The following GBE1 variants were observed in gnomAD, a reference collection of about 807,000 sequenced individuals.
GBE1 encodes 1,4-alpha-glucan branching enzyme 1.
In GBE1, 70 loss-of-function variants were observed where a neutral mutation model predicts 88.8. The observed-to-expected ratio is 0.79, with a 90% CI of 0.65 to 0.96. The LOEUF (loss-of-function observed/expected upper bound fraction) is 0.96, where lower values mean the gene tolerates loss of function less well. GBE1 is among the 40% of genes least tolerant of loss of function. The pLI, the probability that GBE1 is intolerant of heterozygous loss-of-function variation, is 0.00. For missense variants in GBE1, 872 were observed against 871.0 expected (o/e 1.00, Z -0.01); for synonymous variants, 284 against 300.1 (o/e 0.95, Z 0.56).
chr3:81,705,500 A>G lies in GBE1; in HGVS notation c.257T>C (p.Leu86Ser). The G allele has an allele frequency of 6.2e-7, 1 of 1,604,174 alleles. No individual in the cohort carries two copies. Among genetic ancestry groups the G allele is most frequent in the Non-Finnish European group, 8.5e-7 (1 of 1,175,254 alleles). The part of the protein sequence containing the change: ...FGVHRCADGG[L>S]YCKEWAPGAE... ...TCCCGGGGCCCATTCTTTGCAGTAT[A>G]AACCACCATCAGCACATCTGTGGAC... Residue 86 changes from leucine to serine, a missense_variant, in exon 2 of 16, where the codon TTA becomes TCA. Transcript: ENST00000429644.
Position 81,560,704 on chromosome 3 carries a change from T to A in GBE1, c.1618+17221A>T, listed in dbSNP as rs190572857. ...CTCAGGCACCTATCACATTTGGCTT[T>A]ATTAAATTTAACTTGGAAGAGTCTA... On this transcript the variant is annotated intron_variant, in intron 12 of 15. Coordinates refer to ENST00000429644, the MANE Select transcript of GBE1 (RefSeq NM_000158.4). Among the ~76,000 whole-genome samples the A allele has an allele frequency of 2.0e-4, 30 of 152,088 alleles. No homozygotes were observed. The East Asian group carries it at 5.8e-3, about 29-fold the overall frequency.
chr3:81,544,586 C>A (rs1431266898), intron 12 of GBE1, among the ~76,000 whole-genome samples: 1 of 152,098 alleles, frequency 6.6e-6, no homozygotes, highest in African/African-American at 2.4e-5. Flanking sequence ...AACCTTAAAA[C>A]AAAATCACGG....
Position 81,742,845 on chromosome 3 carries a change from G to A in GBE1, c.143+18530C>T, listed in dbSNP as rs541157668. 5.9e-5 allele frequency among the ~76,000 whole-genome samples: 9 copies of A among 152,240 alleles called. No homozygotes were observed. The South Asian group carries it at 8.3e-4, about 14-fold the overall frequency. ...CTTCTTCATGAGTAGTATTAGACAC[G>A]AGAAAGGTTAAGCGGTATGTGAGAG... On this transcript the variant is annotated intron_variant, in intron 1 of 15. Transcript: ENST00000429644.
At chr3:81,678,663 T>C (rs1705295451) in intron 2 of GBE1, among the ~76,000 whole-genome samples, 1 of 152,150 alleles carries the variant, frequency 6.6e-6, no homozygotes, top group Admixed American at 6.5e-5. Context: ...GAAATTATTC[T>C]GAATATGAGA....
intron 9 of GBE1, among the ~76,000 whole-genome samples, chr3:81,589,990 T>G (rs183139225): frequency 6.6e-6 from 1 of 152,132 alleles, no homozygotes; most frequent in East Asian, 1.9e-4. Context: ...TGGTAGGTTG[T>G]TTGTTTTTTA....
At chr3:81,600,620 C>A (rs911141353) in intron 7 of GBE1, among the ~76,000 whole-genome samples, 2 of 152,148 alleles carry the variant, frequency 1.3e-5, no homozygotes, top group African/African-American at 4.8e-5. Context: ...ATTTTACAGA[C>A]TACTGACTTT....
At chr3:81,504,869 T>A (rs1323522300) in intron 14 of GBE1, among the ~76,000 whole-genome samples, 12 of 152,214 alleles carry the variant, frequency 7.9e-5, no homozygotes, top group Admixed American at 7.9e-4. Context: ...ATTTATATCA[T>A]TCTGCACTAA....
rs549221973 is a variant in GBE1 at position 81,595,892 on chromosome 3, GA to G, written c.993-1870del. On this transcript the variant is annotated intron_variant, in intron 7 of 15. Transcript: ENST00000429644. ...AACAAAAAAATTCCTGTGATAATCA[GA>G]AAAGAAACAATAGTGACAATGGAGC... Among the ~76,000 whole-genome samples the G allele has an allele frequency of 7.9e-5, 12 of 152,070 alleles. No homozygotes were observed. The South Asian group carries it at 2.5e-3, about 31-fold the overall frequency.
intron 8 of GBE1, among the ~76,000 whole-genome samples, chr3:81,592,431 T>C (rs1263737317): frequency 1.3e-5 from 2 of 152,126 alleles, no homozygotes; most frequent in African/African-American, 4.8e-5. Context: ...TGCAAGTAAA[T>C]TGCAGGTAAA....
intron 2 of GBE1, among the ~76,000 whole-genome samples, chr3:81,703,356 A>G (rs1705727089): frequency 1.3e-5 from 2 of 152,134 alleles, no homozygotes; most frequent in South Asian, 4.1e-4. Context: ...GGTCTTTTAC[A>G]AAAGTGTCCA....
chr3:81,645,048 A>G (rs1704745027), intron 6 of GBE1, among the ~76,000 whole-genome samples: 4 of 152,166 alleles, frequency 2.6e-5, no homozygotes, highest in Admixed American at 2.6e-4. Context: ...GGACACATGA[A>G]GTTTGATATA....
At chr3:81,547,484 C>A (rs1022732671) in intron 12 of GBE1, among the ~76,000 whole-genome samples, 1 of 151,374 alleles carries the variant, frequency 6.6e-6, no homozygotes, top group Non-Finnish European at 1.5e-5. Context: ...GATAATTTTC[C>A]TCTTTGTTGC....
At chr3:81,557,968 T>C (rs1644024001) in intron 12 of GBE1, among the ~76,000 whole-genome samples, 2 of 152,146 alleles carry the variant, frequency 1.3e-5, no homozygotes, top group East Asian at 1.9e-4. Flanking sequence ...ATGATGATCT[T>C]GGAAACCAAA....
At chr3:81,574,212 T>C (rs879143528) in intron 12 of GBE1, among the ~76,000 whole-genome samples, 12 of 152,152 alleles carry the variant, frequency 7.9e-5, no homozygotes, top group Admixed American at 5.9e-4. Flanking sequence ...TCAGACAACA[T>C]TCTAAAAAAC....
At chr3:81,517,571 A>G (rs1702813336) in intron 14 of GBE1, among the ~76,000 whole-genome samples, 1 of 151,442 alleles carries the variant, frequency 6.6e-6, no homozygotes, top group African/African-American at 2.4e-5. Flanking sequence ...TAATGAGTAT[A>G]AAATACTTTC....
chr3:81,702,102 A>AGAGT lies in GBE1; in HGVS notation c.313+3341_313+3342insACTC, dbSNP rs1468506890. Reference sequence around the variant, plus strand: ...TCCCTGGAGAGAGAGAGAGAGAGAGAGTGTGTGTGTGTGTGTGTGTGTGTG... The same window carrying AGAGT: ...TCCCTGGAGAGAGAGAGAGAGAGAGAGAGTGTGTGTGTGTGTGTGTGTGTGTGTG... On this transcript the variant is annotated intron_variant, in intron 2 of 15. Transcript: ENST00000429644. Among the ~76,000 whole-genome samples, 5 of 115,472 alleles carry AGAGT rather than the reference A, an allele frequency of 4.3e-5. No individual in the cohort carries two copies. The East Asian group carries it at 1.2e-3, about 27-fold the overall frequency. 75.8% of individuals were successfully genotyped at this position (115,472 alleles called of 152,430 possible).
intron 7 of GBE1, 161 bp downstream of exon 7, chr3:81,642,620 C>T: frequency 1.7e-6 from 1 of 578,830 alleles, no homozygotes; most frequent in Non-Finnish European, 3.0e-6. Context: ...AATACATGTG[C>T]TATACAAAAC....
chr3:81,659,716 TAACTC>T (rs907649635), intron 3 of GBE1, among the ~76,000 whole-genome samples: 6 of 151,934 alleles, frequency 3.9e-5, no homozygotes, highest in Non-Finnish European at 8.8e-5. Flanking sequence ...AAAAAAGAAA[TAACTC>T]AACCCCTAAA....
At chr3:81,649,240 A>T (rs1226513108) in intron 4 of GBE1, among the ~76,000 whole-genome samples, 2 of 152,056 alleles carry the variant, frequency 1.3e-5, no homozygotes, top group Non-Finnish European at 2.9e-5. Flanking sequence ...TTTTTTTTTA[A>T]CTTAGGCCTT....
Sources: gnomAD v4.1 joint callset for allele counts (sites outside exome capture counted in the v4.1 genomes callset) on GRCh38, gnomAD v4.1.1 for gene constraint, MANE v1.5 for transcripts, NCBI Gene and HGNC (gene_info 2026-07-23, HGNC 2026-07-21) for gene names.